The following XPC variants were observed in gnomAD, a reference collection of about 807,000 sequenced individuals.
The protein encoded by XPC is XPC complex subunit, DNA damage recognition and repair factor.
Under a neutral mutation model 95.8 loss-of-function variants are expected in XPC, and 76 were observed. The ratio of observed to expected loss-of-function variants is 0.79; its 90% CI spans 0.66 to 0.96. XPC has a LOEUF of 0.96. Among genes scored for constraint, XPC ranks in the 40% least tolerant of loss-of-function variants. The pLI, the probability that XPC is intolerant of heterozygous loss-of-function variation, is 0.00. For synonymous variants in XPC, 442 were observed against 442.1 expected, an observed-to-expected ratio of 1.00 and a Z score of 0.00; for missense variants, 1,146 against 1,179.8, an observed-to-expected ratio of 0.97 and a Z score of 0.42.
At chr3:14,169,121 A>T (rs1696509114) in intron 3 of XPC, among the ~76,000 whole-genome samples, 1 of 152,236 alleles carries the variant, frequency 6.6e-6, no homozygotes, top group Non-Finnish European at 1.5e-5. Context: ...ACAGCAAGAA[A>T]AGTATAAGCT....
chr3:14,178,413 T>G, intron 1 of XPC, 53 bp downstream of exon 1: 1 of 1,547,836 alleles, frequency 6.5e-7, no homozygotes, highest in East Asian at 2.3e-5. Flanking sequence ...CCTCTGGGCC[T>G]CCTCCGCCCA....
intron 1 of XPC, among the ~76,000 whole-genome samples, chr3:14,174,659 T>C (rs1696741382): frequency 6.6e-6 from 1 of 152,218 alleles, no homozygotes; most frequent in Non-Finnish European, 1.5e-5. Flanking sequence ...AAGTAACTTA[T>C]GGCAGAGCCA....
Position 14,146,120 on chromosome 3 carries a change from G to C in XPC, c.2644C>G (p.Leu882Val). ...AAPHTDAGGG[L>V]SSDEEEGTSS... ...GTCCCCTCCTCTTCATCAGAAGAGA[G>C]TCCACCTCCTGCATCTGTGTGGGGA... Residue 882 changes from leucine to valine, a missense_variant, in exon 16 of 16, where the codon CTC (leucine) becomes GTC (valine). Coordinates refer to ENST00000285021, the MANE Select transcript of XPC (RefSeq NM_004628.5). The C allele has an allele frequency of 1.2e-6, 2 of 1,611,580 alleles. No homozygotes were observed. The highest frequency in any genetic ancestry group is 1.7e-6 in the Non-Finnish European group (2 of 1,179,340).
chr3:14,148,035 CCTG>C lies in XPC; in HGVS notation c.2421-37_2421-35del, dbSNP rs1171693972. ...ACACAACGCGATGTCAACCCTCGAA[CCTG>C]CTGCCTGCTCTGCCTCTCCTCCCTC... On this transcript the variant is annotated intron_variant, in intron 13 of 15. Coordinates refer to ENST00000285021, the MANE Select transcript of XPC (RefSeq NM_004628.5). The C allele has an allele frequency of 2.6e-6, 4 of 1,520,454 alleles. No homozygotes were observed. The African/African-American group carries it at 5.5e-5, about 21-fold the overall frequency. 94.2% of individuals were successfully genotyped at this position (1,520,454 alleles called of 1,614,324 possible). A position where few individuals can be genotyped will look rare whatever the true frequency, so the allele number is the denominator to read the frequency against.
chr3:14,158,144 T>C lies in XPC; in HGVS notation c.1739A>G (p.Asp580Gly), dbSNP rs1559375083. 1.2e-6 allele frequency: 2 copies of C among 1,613,910 alleles called. No homozygotes were observed. The highest frequency in any genetic ancestry group is 1.7e-6 in the Non-Finnish European group (2 of 1,179,882). Residue 580 changes from aspartate (D) to glycine (G), a missense_variant, in exon 9 of 16, where the codon GAT becomes GGT. Physicochemically the swap from Asp to Gly is moderately conservative, Grantham distance 94 (BLOSUM62 -1). Transcript: ENST00000285021. This position sits in a 1 kb window ranked among gnomAD's most constrained non-coding sequence, Gnocchi z 5.2. ...VGIDSDGWVR[D>G]VTQRYDPVWM... ...GACTGGGTCGTACCTCTGTGTGACA[T>C]CTCGGACCCAGCCGTCACTGTCAAT...
intron 1 of XPC, among the ~76,000 whole-genome samples, chr3:14,175,428 T>C (rs1422361740): frequency 6.6e-6 from 1 of 152,176 alleles, no homozygotes; most frequent in Non-Finnish European, 1.5e-5. Flanking sequence ...TGATAGCTCT[T>C]ATCATCATGT....
Position 14,145,792 on chromosome 3 carries a change from C to T in XPC, c.*149G>A. The T allele has an allele frequency of 1.0e-6, 1 of 997,520 alleles. No homozygotes were observed. Among genetic ancestry groups the T allele is most frequent in the Non-Finnish European group, 1.5e-6 (1 of 655,268 alleles). 61.8% of individuals were successfully genotyped at this position (997,520 alleles called of 1,614,324 possible). On this transcript the variant is annotated 3_prime_UTR_variant, in exon 16 of 16. Transcript: ENST00000285021. ...GCACCTCCTCAGCTTGGCCTCGTCT[C>T]CCCTGACCCCGCCTCCGTGCATGCT...
intron 1 of XPC, among the ~76,000 whole-genome samples, chr3:14,175,901 G>C (rs1303636431): frequency 6.6e-6 from 1 of 152,202 alleles, no homozygotes; most frequent in Non-Finnish European, 1.5e-5. Context: ...GCAGATCCTG[G>C]AAGCTGCCTT....
At chr3:14,162,683 G>A (rs1019869031) in intron 7 of XPC, among the ~76,000 whole-genome samples, 2 of 152,166 alleles carry the variant, frequency 1.3e-5, no homozygotes, top group Non-Finnish European at 2.9e-5. Flanking sequence ...AAACACAGGG[G>A]TCGATCTTTA....
At chr3:14,165,169 G>A (rs965526419) in intron 6 of XPC, among the ~76,000 whole-genome samples, 9 of 152,140 alleles carry the variant, frequency 5.9e-5, no homozygotes, top group African/African-American at 1.2e-4. Flanking sequence ...ATGTGAGCCT[G>A]CAGTCCCCAG....
At position 14,148,599 on chromosome 3, in the gene XPC, T is replaced by C. The variant is rs773652980; in HGVS notation, c.2383A>G (p.Thr795Ala). 11 of 1,613,976 alleles carry C rather than the reference T, an allele frequency of 6.8e-6. No homozygotes were observed. The Admixed American group carries it at 1.8e-4, about 27-fold the overall frequency. Residue 795 changes from threonine (T) to alanine (A), a missense_variant, in exon 13 of 16, where the codon ACT (threonine) becomes GCT (alanine). Physicochemically the swap from Thr to Ala is moderately conservative, Grantham distance 58. Coordinates refer to ENST00000285021, the MANE Select transcript of XPC (RefSeq NM_004628.5). Reference protein sequence around the residue: ...KLDIDCVQAITGFDFHGGYSH... With the variant: ...KLDIDCVQAIAGFDFHGGYSH... ...TAGCCGCCATGGAAATCAAAGCCAG[T>C]GATGGCCTGGACACAGTCGATGTCC...
chr3:14,149,056 G>C, intron 11 of XPC, 108 bp from the exon 12 acceptor site: 13 of 1,471,726 alleles, frequency 8.8e-6, no homozygotes, highest in African/African-American at 1.4e-5. Context: ...TGAACCCTCA[G>C]AACACACCTA....
chr3:14,173,752 T>C (rs1696704783), intron 1 of XPC, among the ~76,000 whole-genome samples: 1 of 152,166 alleles, frequency 6.6e-6, no homozygotes, highest in Admixed American at 6.5e-5. Flanking sequence ...TTACATATAA[T>C]AATTATATTA....
At chr3:14,147,466 CAGAT>C in intron 14 of XPC, 87 bp from the exon 15 acceptor site, 1 of 1,237,512 alleles carries the variant, frequency 8.1e-7, no homozygotes, top group South Asian at 1.3e-5. Context: ...AATGTAAAGA[CAGAT>C]ATATACACCA....
rs1047540816 is a variant in XPC, at chr3:14,176,858, C to T, written c.103+1608G>A. On this transcript the variant is annotated intron_variant, in intron 1 of 15. Coordinates refer to ENST00000285021, the MANE Select transcript of XPC (RefSeq NM_004628.5). Reference sequence around the variant, plus strand: ...GCTCATGCCTGTAATCCCAACACTTCGGGAGGCCGAGGCAAACGGATCACC... The same window carrying T: ...GCTCATGCCTGTAATCCCAACACTTTGGGAGGCCGAGGCAAACGGATCACC... Among the ~76,000 whole-genome samples, 9 of 152,304 alleles carry T rather than the reference C, an allele frequency of 5.9e-5. No homozygotes were observed. The East Asian group carries it at 7.7e-4, about 13-fold the overall frequency.
At chr3:14,168,215 A>G (rs1366596942) in intron 4 of XPC, 42 bp downstream of exon 4, 2 of 1,571,664 alleles carry the variant, frequency 1.3e-6, no homozygotes, top group Non-Finnish European at 1.7e-6. Context: ...GCTGTTGCCT[A>G]CTGCATGTGA....
intron 11 of XPC, 104 bp downstream of exon 11, chr3:14,152,231 G>A (rs567110535): frequency 2.7e-5 from 25 of 914,106 alleles, no homozygotes; most frequent in Non-Finnish European, 4.0e-5. Context: ...TCAGGATCCT[G>A]GGCAGGACTG....
rs984066421 is a variant in XPC, at chr3:14,178,601, T to G, written c.-33A>C. ...GTCTGGGCAAATTCCACTTCGCGAGTGACGCACCCGGCCGCGATGCGCTAG... is the reference window on the plus strand; with the variant it reads ...GTCTGGGCAAATTCCACTTCGCGAGGGACGCACCCGGCCGCGATGCGCTAG... On this transcript the variant is annotated 5_prime_UTR_variant, in exon 1 of 16. Transcript: ENST00000285021. 6.2e-7 allele frequency: 1 copy of G among 1,611,510 alleles called. No individual in the cohort carries two copies. The highest frequency in any genetic ancestry group is 8.5e-7 in the Non-Finnish European group (1 of 1,178,874).
In XPC at chr3:14,149,042, C is replaced by T. The variant is rs1485295076; in HGVS notation, c.2116-94G>A. ...ATGCTCAGTGCCGCATGCCTGGTAC[C>T]TGGTGAACCCTCAGAACACACCTAC... On this transcript the variant is annotated intron_variant, in intron 11 of 15. Coordinates refer to ENST00000285021, the MANE Select transcript of XPC (RefSeq NM_004628.5). 22 of 1,548,848 alleles carry T rather than the reference C, an allele frequency of 1.4e-5. No individual in the cohort carries two copies. In the Admixed American group the frequency reaches 1.6e-4, roughly 11 times the overall value.
Sources: gnomAD v4.1 joint callset for allele counts (sites outside exome capture counted in the v4.1 genomes callset) on GRCh38, gnomAD v4.1.1 for gene constraint, Gnocchi (gnomAD v3.1) non-coding constraint, MANE v1.5 for transcripts, NCBI Gene and HGNC (gene_info 2026-07-23, HGNC 2026-07-21) for gene names.